The following THOC2 variants were observed in gnomAD, a reference collection of about 807,000 sequenced individuals.
THOC2 encodes THO complex subunit 2.
THOC2 carries 10 observed loss-of-function variants against 128.4 expected under a neutral mutation model. The observed-to-expected ratio is 0.08, with a 90% CI of 0.05 to 0.13. THOC2 has a LOEUF of 0.13. Ranked by LOEUF, THOC2 falls within the 10% of genes least tolerant of loss-of-function variation. The probability of loss-of-function intolerance (pLI) is 1.00; values close to 1 mark genes in which losing one functional copy is unlikely to be tolerated. For missense variants in THOC2, 535 were observed against 1,155.7 expected, an observed-to-expected ratio of 0.46 and a Z score of 7.79; for synonymous variants, 393 against 396.9, an observed-to-expected ratio of 0.99 and a Z score of 0.12.
chrX:123,675,293 A>G (rs1271725532), intron 8 of THOC2, among the ~76,000 whole-genome samples: 2 of 111,529 alleles, frequency 1.8e-5, no homozygotes, highest in African/African-American at 3.3e-5. Flanking sequence ...TTGGTGAGAC[A>G]GCACACTCCT....
At chrX:123,677,871 CAAAA>C (rs1179685021) in intron 8 of THOC2, among the ~76,000 whole-genome samples, 1 of 29,399 alleles carries the variant, frequency 3.4e-5, no homozygotes, top group African/African-American at 1.2e-4. Flanking sequence ...AACTCCGTCG[CAAAA>C]AAAAAAAAAA....
At chrX:123,628,001 TAC>T in intron 22 of THOC2, 33 bp from the exon 23 acceptor site, 2 of 1,051,160 alleles carry the variant, frequency 1.9e-6, no homozygotes, top group Non-Finnish European at 2.6e-6. Flanking sequence ...CATACATACA[TAC>T]ACACACAACA....
intron 10 of THOC2, 79 bp from the exon 11 acceptor site, chrX:123,667,357 G>C: frequency 1.4e-6 from 1 of 690,016 alleles, no homozygotes; most frequent in African/African-American, 2.2e-5. Context: ...TTAAAAAACT[G>C]ACCTAAGCAA....
At chrX:123,721,323 C>T (rs1214575811) in intron 1 of THOC2, among the ~76,000 whole-genome samples, 2 of 108,762 alleles carry the variant, frequency 1.8e-5, no homozygotes, top group Non-Finnish European at 3.8e-5. Flanking sequence ...CAGGTGTGCA[C>T]GACCATGCCT....
rs1390114766 is a variant in THOC2, at chrX:123,648,645, TACTG to T, written c.1387-3274_1387-3271del. ...CAGCGGGAGGAGGGGCGTGTGCAATTACTGAGGCTTGAGTAGGCGGGTTTTCCCC... is the reference window on the plus strand; with the variant it reads ...CAGCGGGAGGAGGGGCGTGTGCAATTAGGCTTGAGTAGGCGGGTTTTCCCC... On this transcript the variant is annotated intron_variant, in intron 12 of 38. Transcript: ENST00000245838. Among the ~76,000 whole-genome samples, 11 of 112,126 alleles carry T rather than the reference TACTG, an allele frequency of 9.8e-5. No individual in the cohort carries two copies. The East Asian group carries it at 3.1e-3, about 32-fold the overall frequency.
At chrX:123,674,559 T>G (rs1427394922) in intron 8 of THOC2, among the ~76,000 whole-genome samples, 1 of 111,678 alleles carries the variant, frequency 9.0e-6, no homozygotes, top group Non-Finnish European at 1.9e-5. Flanking sequence ...CCATTTACAT[T>G]CAAAATAATT....
chrX:123,705,875 T>C (rs1332816868), intron 3 of THOC2, among the ~76,000 whole-genome samples: 1 of 111,707 alleles, frequency 9.0e-6, no homozygotes, highest in Non-Finnish European at 1.9e-5. Context: ...ATTTTATGTA[T>C]ATACAAGTTC....
chrX:123,666,301 C>T (rs2049048100), intron 11 of THOC2, among the ~76,000 whole-genome samples: 1 of 112,022 alleles, frequency 8.9e-6, no homozygotes, highest in Admixed American at 9.5e-5. Context: ...ATCTGGATTC[C>T]ACAACCTAGG....
chrX:123,642,429 CAA>C (rs746333788), intron 15 of THOC2, among the ~76,000 whole-genome samples: 11 of 72,580 alleles, frequency 1.5e-4, no homozygotes, highest in Non-Finnish European at 8.1e-5. Flanking sequence ...CTCCATCTCC[CAA>C]AAAAAAAAAA....
In THOC2 at chrX:123,660,111, T is replaced by C. The variant is rs138443062; in HGVS notation, c.1386+5531A>G. Reference sequence around the variant, plus strand: ...CTGGTCTCTATGGTCAAAACTAACATTTTTCTCTTCCCTTCTGCCCTTCAT... The same window carrying C: ...CTGGTCTCTATGGTCAAAACTAACACTTTTCTCTTCCCTTCTGCCCTTCAT... On this transcript the variant is annotated intron_variant, in intron 12 of 38. Coordinates refer to ENST00000245838, the MANE Select transcript of THOC2 (RefSeq NM_001081550.2). 9.3e-3 allele frequency among the ~76,000 whole-genome samples: 1,045 copies of C among 111,800 alleles called. 5 individuals are homozygous for C. The highest frequency in any genetic ancestry group is 0.014 in the Non-Finnish European group (744 of 53,189).
chrX:123,614,274 G>A (rs1009928781), intron 33 of THOC2, 85 bp from the exon 34 acceptor site: 4 of 833,591 alleles, frequency 4.8e-6, no homozygotes, highest in Non-Finnish European at 6.5e-6. Flanking sequence ...AAACACAATT[G>A]GGAATTATAC....
chrX:123,713,659 G>C (rs1727601726), intron 1 of THOC2, among the ~76,000 whole-genome samples: 1 of 109,181 alleles, frequency 9.2e-6, no homozygotes, highest in African/African-American at 3.3e-5. Context: ...ACCAGCCTGG[G>C]AAACGTGGTG....
Position 123,655,264 on chromosome X carries a change from C to T in THOC2, c.1387-9889G>A, listed in dbSNP as rs184585573. Among the ~76,000 whole-genome samples the T allele has an allele frequency of 6.3e-5, 7 of 111,718 alleles. No homozygotes were observed. In the East Asian group the frequency reaches 1.9e-3, roughly 31 times the overall value. On this transcript the variant is annotated intron_variant, in intron 12 of 38. Transcript: ENST00000245838. Reference sequence around the variant, plus strand: ...AAACTACTCTATGAAGAATCTTGGGCTTTAAGCTACATAACCAAGACAGAT... The same window carrying T: ...AAACTACTCTATGAAGAATCTTGGGTTTTAAGCTACATAACCAAGACAGAT...
At chrX:123,613,816 C>A in intron 34 of THOC2, 108 bp from the exon 35 acceptor site, 1 of 785,933 alleles carries the variant, frequency 1.3e-6, no homozygotes. Flanking sequence ...AGAGTATTTG[C>A]AGTAGTTTCA....
At chrX:123,631,432 G>A (rs1204286543) in intron 22 of THOC2, among the ~76,000 whole-genome samples, 1 of 112,091 alleles carries the variant, frequency 8.9e-6, no homozygotes, top group Non-Finnish European at 1.9e-5. Flanking sequence ...GGAAAGAAGT[G>A]GGAGACTGTA....
chrX:123,639,064 G>T (rs1314846444), intron 16 of THOC2, 37 bp from the exon 17 acceptor site: 1 of 752,313 alleles, frequency 1.3e-6, no homozygotes, highest in Non-Finnish European at 2.0e-6. Context: ...GGCATTAACT[G>T]ATCAAAGGAT....
chrX:123,665,901 T>TAC, intron 11 of THOC2, 64 bp from the exon 12 acceptor site: 1 of 605,731 alleles, frequency 1.7e-6, no homozygotes, highest in Non-Finnish European at 2.3e-6. Flanking sequence ...TATAACTATA[T>TAC]ACACACACAC....
intron 8 of THOC2, among the ~76,000 whole-genome samples, chrX:123,683,213 T>C (rs1432054953): frequency 1.8e-5 from 2 of 111,798 alleles, no homozygotes; most frequent in Non-Finnish European, 3.8e-5. Context: ...TCAAAAAGTT[T>C]TGGATTTCGG....
intron 12 of THOC2, among the ~76,000 whole-genome samples, chrX:123,659,683 A>G (rs1038749641): frequency 8.9e-6 from 1 of 112,805 alleles, no homozygotes; most frequent in Non-Finnish European, 1.9e-5. Flanking sequence ...AATTTAAGAA[A>G]CATATATACA....
Sources: allele counts gnomAD v4.1 joint callset (sites outside exome capture counted in the v4.1 genomes callset), GRCh38; gene constraint gnomAD v4.1.1; transcripts MANE v1.5; gene names NCBI Gene and HGNC (gene_info 2026-07-23, HGNC 2026-07-21).